Variants in CMSS1 observed in about 807,000 individuals in gnomAD.
CMSS1 encodes cms1 ribosomal small subunit homolog.
A neutral mutation model predicts 43.5 loss-of-function variants in CMSS1; 33 were observed. The ratio of observed to expected loss-of-function variants is 0.76; its 90% confidence interval spans 0.57 to 1.01. The LOEUF is 1.01. Among genes scored for constraint, CMSS1 ranks in the 50% least tolerant of loss-of-function variants. The probability of loss-of-function intolerance (pLI) is 0.00; values close to 1 mark genes in which losing one functional copy is unlikely to be tolerated. For synonymous variants in CMSS1, 115 were observed against 117.2 expected, an observed-to-expected ratio of 0.98 and a Z score of 0.12; for missense variants, 313 against 326.4, an observed-to-expected ratio of 0.96 and a Z score of 0.32.
At chr3:99,913,096 G>A (rs183635614) in intron 1 of CMSS1, among the ~76,000 whole-genome samples, 3 of 152,154 alleles carry the variant, frequency 2.0e-5, no homozygotes, top group East Asian at 1.9e-4. Context: ...AGACGACAGC[G>A]GTTTACAACC....
At chr3:99,873,835 A>G (rs1220387994) in intron 1 of CMSS1, among the ~76,000 whole-genome samples, 3 of 152,238 alleles carry the variant, frequency 2.0e-5, no homozygotes, top group Non-Finnish European at 2.9e-5. Flanking sequence ...AAATAGCACA[A>G]AAATACCAGG....
intron 1 of CMSS1, among the ~76,000 whole-genome samples, chr3:99,841,325 T>TG (rs1559651716): frequency 6.6e-6 from 1 of 152,248 alleles, no homozygotes. Flanking sequence ...TCAGATAAAC[T>TG]GGAGCTTTCC....
intron 1 of CMSS1, among the ~76,000 whole-genome samples, chr3:99,852,738 C>T (rs972680479): frequency 3.3e-5 from 5 of 152,120 alleles, no homozygotes; most frequent in Non-Finnish European, 5.9e-5. Flanking sequence ...GCCACCGTGC[C>T]GGCTGAGAGA....
At chr3:100,094,416 C>CA (rs2066165632) in intron 1 of CMSS1, among the ~76,000 whole-genome samples, 1 of 152,068 alleles carries the variant, frequency 6.6e-6, no homozygotes, top group Admixed American at 6.6e-5. Flanking sequence ...TTTCATGTGG[C>CA]AAAAGTCTTT....
intron 1 of CMSS1, among the ~76,000 whole-genome samples, chr3:100,045,260 A>G (rs2065261071): frequency 6.6e-6 from 1 of 152,244 alleles, no homozygotes; most frequent in Non-Finnish European, 1.5e-5. Flanking sequence ...GGATGCGTAC[A>G]GCACATAGCA....
intron 1 of CMSS1, among the ~76,000 whole-genome samples, chr3:100,077,362 T>C (rs2065866287): frequency 6.6e-6 from 1 of 152,214 alleles, no homozygotes; most frequent in Non-Finnish European, 1.5e-5. Context: ...GCAAGTATGT[T>C]TGTACTTCAC....
At chr3:100,002,732 G>A (rs1419918043) in intron 1 of CMSS1, among the ~76,000 whole-genome samples, 1 of 152,224 alleles carries the variant, frequency 6.6e-6, no homozygotes, top group East Asian at 1.9e-4. Flanking sequence ...TGGACCTGGA[G>A]TGACTTGTCC....
chr3:99,822,423 G>A (rs1180028118), intron 1 of CMSS1, among the ~76,000 whole-genome samples: 1 of 152,162 alleles, frequency 6.6e-6, no homozygotes, highest in East Asian at 1.9e-4. Context: ...AGTGCCAGGA[G>A]ACTGCAGGTA....
chr3:99,950,207 T>C (rs1708135110), intron 1 of CMSS1, among the ~76,000 whole-genome samples: 1 of 152,200 alleles, frequency 6.6e-6, no homozygotes, highest in Non-Finnish European at 1.5e-5. Context: ...ATATTTTCTC[T>C]TGCCACTTGC....
At chr3:100,087,204 G>A (rs1392740367) in intron 1 of CMSS1, among the ~76,000 whole-genome samples, 1 of 152,214 alleles carries the variant, frequency 6.6e-6, no homozygotes, top group Non-Finnish European at 1.5e-5. Context: ...TCTTGTGAGT[G>A]TTTCTCTAGG....
intron 1 of CMSS1, among the ~76,000 whole-genome samples, chr3:99,885,763 GACACACACACAA>G (rs1705873995): frequency 6.6e-6 from 1 of 152,034 alleles, no homozygotes; most frequent in African/African-American, 2.4e-5. Context: ...CTGCCCAAAA[GACACACACACAA>G]ACACACACAT....
intron 1 of CMSS1, among the ~76,000 whole-genome samples, chr3:100,011,539 T>A (rs138955089): frequency 1.3e-5 from 2 of 152,204 alleles, no homozygotes; most frequent in African/African-American, 4.8e-5. Context: ...TACCTGACAA[T>A]TTATATCTAT....
intron 1 of CMSS1, among the ~76,000 whole-genome samples, chr3:99,966,136 T>G (rs1399195186): frequency 6.6e-6 from 1 of 152,158 alleles, no homozygotes; most frequent in Non-Finnish European, 1.5e-5. Context: ...TTAGGAAAGG[T>G]AAATAAAATG....
rs945373807 is a variant in CMSS1, at chr3:100,181,179, T to G, written c.*2791T>G. ...ATTACAATTCGACATGAAACTTGGGTGGGGACACAGCCAAACCACATCAGC... is the reference window on the plus strand; with the variant it reads ...ATTACAATTCGACATGAAACTTGGGGGGGGACACAGCCAAACCACATCAGC... On this transcript the variant is annotated 3_prime_UTR_variant, in exon 10 of 10. Transcript: ENST00000421999. The G allele has an allele frequency of 2.0e-5, 3 of 152,130 alleles. No homozygotes were observed. The highest frequency in any genetic ancestry group is 2.9e-5 in the Non-Finnish European group (2 of 68,036). 9.4% of individuals were successfully genotyped at this position (152,130 alleles called of 1,614,324 possible).
chr3:100,045,871 A>T (rs2065271271), intron 1 of CMSS1, among the ~76,000 whole-genome samples: 1 of 151,640 alleles, frequency 6.6e-6, no homozygotes, highest in South Asian at 2.1e-4. Context: ...GTGGAGTCTG[A>T]CCCTCCCTGC....
intron 1 of CMSS1, among the ~76,000 whole-genome samples, chr3:99,819,613 A>G (rs1255284105): frequency 6.6e-6 from 1 of 152,198 alleles, no homozygotes; most frequent in African/African-American, 2.4e-5. Context: ...GTCTGGGAAG[A>G]GTTTAGTCAA....
chr3:100,021,948 TGTGTGTGTGTGTGAGAGAGAGAGAGA>T (rs1240843699), intron 1 of CMSS1, among the ~76,000 whole-genome samples: 1 of 129,566 alleles, frequency 7.7e-6, no homozygotes, highest in African/African-American at 2.8e-5. Flanking sequence ...TGTGTGTGTG[TGTGTGTGTGTGTGAGAGAGAGAGAGA>T]GAGAGAGAGA....
chr3:99,988,511 C>CAAAAA (rs757175318), intron 1 of CMSS1, among the ~76,000 whole-genome samples: 8 of 47,644 alleles, frequency 1.7e-4, no homozygotes, highest in South Asian at 1.7e-3. Context: ...GACTCCATCT[C>CAAAAA]AAAAAAAAAA....
chr3:100,107,398 ACTTTG>A (rs2066413331), intron 1 of CMSS1, among the ~76,000 whole-genome samples: 1 of 152,124 alleles, frequency 6.6e-6, no homozygotes, highest in South Asian at 2.1e-4. Flanking sequence ...CTCTTCTGAC[ACTTTG>A]TTGGTAGAAT....
Sources: allele counts gnomAD v4.1 joint callset (sites outside exome capture counted in the v4.1 genomes callset), GRCh38; gene constraint gnomAD v4.1.1; transcripts MANE v1.5; gene names NCBI Gene and HGNC (gene_info 2026-07-23, HGNC 2026-07-21).